CCDC170: variants seen among roughly 807,000 people sequenced by gnomAD.
CCDC170 encodes coiled-coil domain-containing protein 170.
In CCDC170, 69 loss-of-function variants were observed where a neutral mutation model predicts 72.6. The observed-to-expected ratio is 0.95, with a 90% CI of 0.78 to 1.16. CCDC170 has a LOEUF of 1.16. Ranked by LOEUF, CCDC170 falls within the 50% of genes most tolerant of loss-of-function variation. CCDC170 has a pLI of 0.00. For missense variants in CCDC170, 852 were observed against 832.5 expected (o/e 1.02, Z -0.29); for synonymous variants, 300 against 303.9 (o/e 0.99, Z 0.13).
intron 5 of CCDC170, among the ~76,000 whole-genome samples, chr6:151,549,759 T>C (rs1430387511): frequency 6.6e-6 from 1 of 152,220 alleles, no homozygotes; most frequent in Admixed American, 6.5e-5. Flanking sequence ...TCTGGAAATA[T>C]TTTACACACA....
intron 5 of CCDC170, among the ~76,000 whole-genome samples, chr6:151,555,518 T>C (rs1261189028): frequency 1.3e-5 from 2 of 152,216 alleles, no homozygotes; most frequent in African/African-American, 2.4e-5. Context: ...TAACTCTCTA[T>C]GTGAAATAAG....
intron 9 of CCDC170, among the ~76,000 whole-genome samples, chr6:151,602,260 T>C (rs951791978): frequency 7.9e-5 from 12 of 152,032 alleles, no homozygotes; most frequent in Admixed American, 2.6e-4. Flanking sequence ...AAGTAAAATG[T>C]TTTTTCACGA....
At chr6:151,532,638 G>C (rs6916386) in intron 1 of CCDC170, among the ~76,000 whole-genome samples, 15,524 of 151,746 alleles carry the variant, frequency 0.1, 800 homozygotes, top group Non-Finnish European at 0.11. Flanking sequence ...AAAGAATAAG[G>C]CTTCTTGAAC....
intron 7 of CCDC170, among the ~76,000 whole-genome samples, chr6:151,592,244 C>T (rs190764911): frequency 5.8e-4 from 89 of 152,178 alleles, no homozygotes; most frequent in African/African-American, 2.1e-3. Flanking sequence ...CCTGTAATCC[C>T]AGCTACCTGG....
intron 5 of CCDC170, among the ~76,000 whole-genome samples, chr6:151,561,849 C>T (rs1776039214): frequency 6.6e-6 from 1 of 152,050 alleles, no homozygotes; most frequent in Non-Finnish European, 1.5e-5. Flanking sequence ...TTCAGGAATG[C>T]CAATAAGTTG....
chr6:151,554,668 G>A (rs998455871), intron 5 of CCDC170, among the ~76,000 whole-genome samples: 1 of 152,020 alleles, frequency 6.6e-6, no homozygotes, highest in African/African-American at 2.4e-5. Context: ...AGGTTGCAGT[G>A]AGCTGAGATG....
chr6:151,494,336 A>G, intron 1 of CCDC170, 151 bp downstream of exon 1: 2 of 855,960 alleles, frequency 2.3e-6, no homozygotes, highest in Non-Finnish European at 3.3e-6. Flanking sequence ...GTGGCCTGGG[A>G]CTGCCAGGGC....
intron 1 of CCDC170, among the ~76,000 whole-genome samples, chr6:151,530,113 G>GT (rs1377566585): frequency 9.9e-5 from 15 of 152,002 alleles, no homozygotes; most frequent in African/African-American, 3.6e-4. Flanking sequence ...TATCAGTATT[G>GT]TTTTTTCTTT....
intron 1 of CCDC170, among the ~76,000 whole-genome samples, chr6:151,535,022 A>G (rs1477326202): frequency 6.7e-6 from 1 of 149,740 alleles, no homozygotes; most frequent in African/African-American, 2.5e-5. Context: ...CTCAGTAATA[A>G]TTCTTGAAGG....
intron 3 of CCDC170, among the ~76,000 whole-genome samples, chr6:151,539,992 A>G (rs966241226): frequency 6.6e-6 from 1 of 152,136 alleles, no homozygotes; most frequent in Non-Finnish European, 1.5e-5. Context: ...GTTTTCCATT[A>G]TCACCTTTAT....
intron 1 of CCDC170, among the ~76,000 whole-genome samples, chr6:151,529,765 G>A (rs923911461): frequency 3.3e-5 from 5 of 152,210 alleles, no homozygotes; most frequent in African/African-American, 1.2e-4. Flanking sequence ...TGGAGCGGCA[G>A]TGTCTTAGTC....
intron 1 of CCDC170, among the ~76,000 whole-genome samples, chr6:151,518,536 A>G (rs981197107): frequency 3.3e-5 from 5 of 152,232 alleles, no homozygotes; most frequent in African/African-American, 1.2e-4. Context: ...AATAAAGTAA[A>G]GGAATAAAAG....
At chr6:151,571,108 A>G (rs946771789) in intron 5 of CCDC170, among the ~76,000 whole-genome samples, 3 of 152,182 alleles carry the variant, frequency 2.0e-5, no homozygotes, top group African/African-American at 7.2e-5. Context: ...CCTATAAAAA[A>G]TAGGAACTAG....
chr6:151,575,124 C>T (rs1288235960), intron 6 of CCDC170, among the ~76,000 whole-genome samples: 5 of 152,144 alleles, frequency 3.3e-5, no homozygotes, highest in Admixed American at 3.3e-4. Context: ...TATCATCAAA[C>T]CTAAATTATA....
chr6:151,569,316 T>TA (rs1317753856), intron 5 of CCDC170, among the ~76,000 whole-genome samples: 12 of 152,364 alleles, frequency 7.9e-5, no homozygotes, highest in Non-Finnish European at 1.8e-4. Context: ...TTTCATTACT[T>TA]AATGCAGACT....
At chr6:151,611,457 C>A (rs9479083) in intron 9 of CCDC170, among the ~76,000 whole-genome samples, 47,781 of 151,906 alleles carry the variant, frequency 0.31, 7,920 homozygotes, top group African/African-American at 0.41. Context: ...TAGATGATGC[C>A]TTCTTGCTGT....
intron 9 of CCDC170, among the ~76,000 whole-genome samples, chr6:151,603,134 C>A (rs1370835173): frequency 6.6e-6 from 1 of 152,138 alleles, no homozygotes; most frequent in Non-Finnish European, 1.5e-5. Context: ...TATATACTAT[C>A]CATTAATGGA....
chr6:151,508,667 C>T (rs1782098476), intron 1 of CCDC170, among the ~76,000 whole-genome samples: 1 of 152,068 alleles, frequency 6.6e-6, no homozygotes, highest in Admixed American at 6.5e-5. Context: ...GAGCTGAGAT[C>T]ACACCACTGC....
chr6:151,499,099 A>C (rs376401699), intron 1 of CCDC170, among the ~76,000 whole-genome samples: 141 of 125,070 alleles, frequency 1.1e-3, no homozygotes, highest in African/African-American at 2.5e-3. Flanking sequence ...GTATTTGACT[A>C]TTCTAGGCAT....
Sources: gnomAD v4.1 joint callset for allele counts (sites outside exome capture counted in the v4.1 genomes callset) on GRCh38, gnomAD v4.1.1 for gene constraint, MANE v1.5 for transcripts, NCBI Gene and HGNC (gene_info 2026-07-23, HGNC 2026-07-21) for gene names.